TTC13: variants seen among roughly 807,000 people sequenced by gnomAD.
TTC13 encodes the protein tetratricopeptide repeat domain 13, also known as tetratricopeptide repeat protein 13.
In TTC13, 62 loss-of-function variants were observed where a neutral mutation model predicts 120.0. The ratio of observed to expected loss-of-function variants is 0.52; its 90% confidence interval spans 0.42 to 0.64. The LOEUF (loss-of-function observed/expected upper bound fraction) is 0.64. TTC13 is among the 30% of genes least tolerant of loss of function. The probability of loss-of-function intolerance (pLI) is 0.00; values close to 1 mark genes in which losing one functional copy is unlikely to be tolerated. For missense variants in TTC13, 824 were observed against 1,050.2 expected (o/e 0.78, Z 2.98); for synonymous variants, 384 against 393.5 (o/e 0.98, Z 0.28).
chr1:230,963,497 GTGGTA>G (rs1676833137), intron 1 of TTC13, among the ~76,000 whole-genome samples: 1 of 151,974 alleles, frequency 6.6e-6, no homozygotes, highest in African/African-American at 2.4e-5. Flanking sequence ...TTAGCTGGGT[GTGGTA>G]GTACATGCCT....
rs546170891 is a variant in TTC13, at chr1:230,915,909, C to CA, written c.2093+283_2093+284insT. Among the ~76,000 whole-genome samples, 4 of 151,512 alleles carry CA rather than the reference C, an allele frequency of 2.6e-5. No homozygotes were observed. The East Asian group carries it at 5.8e-4, about 22-fold the overall frequency. ...ATTAGTAAAAGCCTCCCTCGCCCCC[C>CA]CAAGGAACTTCAAGAACCCAGAAGA... On this transcript the variant is annotated intron_variant, in intron 18 of 22. Transcript: ENST00000366661.
intron 1 of TTC13, among the ~76,000 whole-genome samples, chr1:230,967,557 AAAAC>A (rs1372067387): frequency 3.9e-5 from 6 of 152,218 alleles, no homozygotes; most frequent in African/African-American, 1.4e-4. Context: ...GTGTACTTCT[AAAAC>A]AAACTCTGAT....
intron 1 of TTC13, among the ~76,000 whole-genome samples, chr1:230,970,965 T>C (rs1009735806): frequency 1.2e-4 from 18 of 152,192 alleles, no homozygotes; most frequent in African/African-American, 4.3e-4. Context: ...AGAATTCTTG[T>C]GGCTGAAAGA....
chr1:230,952,313 G>C (rs1558207621), intron 4 of TTC13, among the ~76,000 whole-genome samples: 1 of 152,136 alleles, frequency 6.6e-6, no homozygotes, highest in Non-Finnish European at 1.5e-5. Context: ...GAGCTGGGAA[G>C]CACTGAGATA....
chr1:230,946,718 G>A (rs558933470), intron 4 of TTC13, among the ~76,000 whole-genome samples: 58 of 152,248 alleles, frequency 3.8e-4, no homozygotes, highest in African/African-American at 1.3e-3. Flanking sequence ...TAGATGAGAG[G>A]TACAAGTCCA....
At chr1:230,968,623 G>A (rs1277186274) in intron 1 of TTC13, among the ~76,000 whole-genome samples, 1 of 152,150 alleles carries the variant, frequency 6.6e-6, no homozygotes, top group Non-Finnish European at 1.5e-5. Flanking sequence ...TCTGAATGGA[G>A]GCAGCAGCCA....
At chr1:230,953,799 C>G (rs1371476114) in intron 4 of TTC13, among the ~76,000 whole-genome samples, 1 of 152,176 alleles carries the variant, frequency 6.6e-6, no homozygotes, top group Non-Finnish European at 1.5e-5. Flanking sequence ...AATGCTTTAT[C>G]TTAACTAGAC....
intron 1 of TTC13, among the ~76,000 whole-genome samples, chr1:230,970,375 G>A (rs1387804449): frequency 6.6e-6 from 1 of 152,194 alleles, no homozygotes. Flanking sequence ...CAGAGGGATG[G>A]GGCAGTGGCT....
At chr1:230,966,446 CTA>C (rs61624870) in intron 1 of TTC13, among the ~76,000 whole-genome samples, 57,948 of 151,844 alleles carry the variant, frequency 0.38, 11,522 homozygotes, top group African/African-American at 0.51. Flanking sequence ...TTTTATTAAA[CTA>C]TGTGAAACTT....
intron 8 of TTC13, among the ~76,000 whole-genome samples, chr1:230,939,139 T>C (rs1349982380): frequency 6.6e-6 from 1 of 152,268 alleles, no homozygotes. Flanking sequence ...TTCTTGAGTA[T>C]GTTTACCATA....
intron 22 of TTC13, chr1:230,908,461 A>G: frequency 1.9e-6 from 1 of 533,854 alleles, no homozygotes. Flanking sequence ...AAGTGCTGGG[A>G]TTACAGGTAT....
At chr1:230,936,903 C>A (rs1398535928) in intron 8 of TTC13, among the ~76,000 whole-genome samples, 1 of 152,180 alleles carries the variant, frequency 6.6e-6, no homozygotes, top group Admixed American at 6.5e-5. Flanking sequence ...GGGACACCCT[C>A]CACTCCTTCT....
chr1:230,973,000 A>C (rs1260272112), intron 1 of TTC13, among the ~76,000 whole-genome samples: 1 of 152,178 alleles, frequency 6.6e-6, no homozygotes, highest in Non-Finnish European at 1.5e-5. Flanking sequence ...GCGACTTTGC[A>C]CTGGCAAATT....
intron 1 of TTC13, among the ~76,000 whole-genome samples, chr1:230,964,871 C>A (rs1237794011): frequency 1.3e-5 from 2 of 152,184 alleles, no homozygotes; most frequent in Non-Finnish European, 2.9e-5. Context: ...CAAGAATACA[C>A]ACTGGGGAAG....
intron 8 of TTC13, 152 bp downstream of exon 8, chr1:230,939,234 T>C: frequency 2.1e-6 from 1 of 474,416 alleles, no homozygotes; most frequent in South Asian, 4.8e-5. Context: ...TAACCTTTGA[T>C]CCTTTCCCTT....
intron 4 of TTC13, among the ~76,000 whole-genome samples, chr1:230,946,299 G>T (rs1175559438): frequency 6.6e-6 from 1 of 152,154 alleles, no homozygotes; most frequent in African/African-American, 2.4e-5. Context: ...AATGGCACTG[G>T]ATTCTCCAGA....
In TTC13 at chr1:230,920,400, A is replaced by C. The variant is rs143999135; in HGVS notation, c.1983+110T>G. The C allele has an allele frequency of 1.2e-3, 922 of 780,558 alleles. 10 individuals are homozygous for C. The East Asian group carries it at 0.02, about 17-fold the overall frequency. 48.4% of individuals were successfully genotyped at this position (780,558 alleles called of 1,614,324 possible). Reference sequence around the variant, plus strand: ...TTTGGTTATTATTCAGAATGTGTTCATACGAGTGATTTCAAATAGCATTTA... The same window carrying C: ...TTTGGTTATTATTCAGAATGTGTTCCTACGAGTGATTTCAAATAGCATTTA... On this transcript the variant is annotated intron_variant, in intron 17 of 22. Coordinates refer to ENST00000366661, the MANE Select transcript of TTC13 (RefSeq NM_024525.5).
chr1:230,976,454 AAC>A (rs1678318243), intron 1 of TTC13, among the ~76,000 whole-genome samples: 1 of 152,206 alleles, frequency 6.6e-6, no homozygotes. Context: ...CCCCTACAAC[AAC>A]AGAGTTGGCT....
intron 1 of TTC13, among the ~76,000 whole-genome samples, chr1:230,974,107 T>C (rs1405189525): frequency 6.6e-6 from 1 of 150,722 alleles, no homozygotes; most frequent in Non-Finnish European, 1.5e-5. Flanking sequence ...GCAGAGAACC[T>C]GAATTTTTAA....
Sources: gnomAD v4.1 joint callset for allele counts (sites outside exome capture counted in the v4.1 genomes callset) on GRCh38, gnomAD v4.1.1 for gene constraint, MANE v1.5 for transcripts, NCBI Gene and HGNC (gene_info 2026-07-23, HGNC 2026-07-21) for gene names.